ARHGEF26: variants seen among roughly 807,000 people sequenced by gnomAD.
ARHGEF26 encodes Rho guanine nucleotide exchange factor 26, also known as Rho guanine nucleotide exchange factor (GEF) 26.
Under a neutral mutation model 89.4 loss-of-function variants are expected in ARHGEF26, and 59 were observed. The observed-to-expected ratio is 0.66, with a 90% CI of 0.54 to 0.82. The LOEUF is 0.82. Ranked by LOEUF, ARHGEF26 falls within the 40% of genes least tolerant of loss-of-function variation. ARHGEF26 has a pLI of 0.00. For missense variants in ARHGEF26, 1,234 were observed against 1,085.6 expected (o/e 1.14, Z -1.92); for synonymous variants, 500 against 428.4 (o/e 1.17, Z -2.06).
chr3:154,159,303 A>G (rs1395956156), intron 6 of ARHGEF26, among the ~76,000 whole-genome samples: 1 of 152,076 alleles, frequency 6.6e-6, no homozygotes, highest in East Asian at 1.9e-4. Context: ...TCCAATTACA[A>G]AGTTAAAACA....
chr3:154,137,826 AAAG>A (rs909230502), intron 4 of ARHGEF26, among the ~76,000 whole-genome samples: 7 of 151,080 alleles, frequency 4.6e-5, no homozygotes, highest in African/African-American at 9.7e-5. Context: ...AAAAAAAAAA[AAAG>A]AAGAAGAGAA....
intron 3 of ARHGEF26, among the ~76,000 whole-genome samples, chr3:154,126,044 A>G (rs1186294795): frequency 1.3e-5 from 2 of 152,192 alleles, no homozygotes; most frequent in African/African-American, 4.8e-5. Flanking sequence ...TGTTGTGAAA[A>G]TGAATGAGAA....
At chr3:154,137,409 C>G (rs924115248) in intron 4 of ARHGEF26, among the ~76,000 whole-genome samples, 2 of 152,098 alleles carry the variant, frequency 1.3e-5, no homozygotes, top group African/African-American at 4.8e-5. Context: ...ACTTCTTAGC[C>G]TCTATAACTG....
chr3:154,130,147 A>ATTTTTTTT (rs55816788), intron 4 of ARHGEF26, among the ~76,000 whole-genome samples: 5,035 of 105,784 alleles, frequency 0.048, 511 homozygotes, highest in African/African-American at 0.11. Context: ...TTCCTTGGAA[A>ATTTTTTTT]TTTTTTTTTT....
rs375543506 is a variant in ARHGEF26 at position 154,256,719 on chromosome 3, T to C, written c.*1246T>C. On this transcript the variant is annotated 3_prime_UTR_variant, in exon 15 of 15. Transcript: ENST00000465093. ...TCTCAAGGAAGGGAAAATTAGGCCT[T>C]AAAAGATACCAAGAAGTCAGCATGG... is the stretch of plus-strand genomic sequence containing the variant. 13 of 1,368,486 alleles carry C rather than the reference T, an allele frequency of 9.5e-6. No homozygotes were observed. The East Asian group carries it at 2.2e-4, about 23-fold the overall frequency. 84.8% of individuals were successfully genotyped at this position (1,368,486 alleles called of 1,614,324 possible). A position where few individuals can be genotyped will look rare whatever the true frequency, so the allele number is the denominator to read the frequency against.
At chr3:154,192,074 C>T (rs973372166) in intron 8 of ARHGEF26, among the ~76,000 whole-genome samples, 2 of 152,182 alleles carry the variant, frequency 1.3e-5, no homozygotes, top group African/African-American at 4.8e-5. Context: ...GCAGGAGAGC[C>T]TGCCACTGGC....
At chr3:154,146,515 CCATA>C (rs1468393698) in intron 4 of ARHGEF26, among the ~76,000 whole-genome samples, 3 of 152,144 alleles carry the variant, frequency 2.0e-5, no homozygotes, top group Non-Finnish European at 2.9e-5. Flanking sequence ...AGCATCATAT[CCATA>C]GAAGAAATAT....
intron 9 of ARHGEF26, among the ~76,000 whole-genome samples, chr3:154,200,262 T>C (rs1334804670): frequency 6.6e-6 from 1 of 152,196 alleles, no homozygotes; most frequent in Non-Finnish European, 1.5e-5. Flanking sequence ...GGGTATAGTT[T>C]TATTCTTCTG....
chr3:154,154,181 A>G (rs932240428), intron 6 of ARHGEF26, among the ~76,000 whole-genome samples: 3 of 152,004 alleles, frequency 2.0e-5, no homozygotes, highest in Admixed American at 6.6e-5. Flanking sequence ...TCCATCTTTG[A>G]TCTTAACAAT....
chr3:154,252,672 A>C (rs772102960), intron 12 of ARHGEF26, among the ~76,000 whole-genome samples: 2 of 152,240 alleles, frequency 1.3e-5, no homozygotes, highest in African/African-American at 4.8e-5. Context: ...AAATATGTCA[A>C]GTTTCTCAAG....
chr3:154,187,659 A>AT (rs766135978), intron 6 of ARHGEF26, 26 bp from the exon 7 acceptor site: 271 of 1,554,410 alleles, frequency 1.7e-4, no homozygotes, highest in South Asian at 4.2e-4. Flanking sequence ...AGAAGTGTTA[A>AT]TTTTTTTTTC....
intron 6 of ARHGEF26, among the ~76,000 whole-genome samples, chr3:154,179,997 C>A (rs963980638): frequency 6.6e-6 from 1 of 152,006 alleles, no homozygotes; most frequent in South Asian, 2.1e-4. Context: ...GGGGAGAATC[C>A]GTTTTCTTGC....
At chr3:154,168,600 A>G (rs1260647187) in intron 6 of ARHGEF26, among the ~76,000 whole-genome samples, 1 of 152,080 alleles carries the variant, frequency 6.6e-6, no homozygotes, top group Non-Finnish European at 1.5e-5. Flanking sequence ...AAAAACAGAA[A>G]AACCCAAAAA....
intron 3 of ARHGEF26, among the ~76,000 whole-genome samples, chr3:154,127,826 A>G (rs1398946305): frequency 2.0e-5 from 3 of 152,212 alleles, no homozygotes; most frequent in Admixed American, 2.0e-4. Flanking sequence ...ACAACATTTA[A>G]GATGGCTAGG....
At chr3:154,219,794 G>T (rs1716006357) in intron 10 of ARHGEF26, among the ~76,000 whole-genome samples, 1 of 151,194 alleles carries the variant, frequency 6.6e-6, no homozygotes. Context: ...GGCACCTGTA[G>T]TCCCAGCTAC....
chr3:154,244,088 A>G (rs1717645270), intron 12 of ARHGEF26, among the ~76,000 whole-genome samples: 1 of 152,134 alleles, frequency 6.6e-6, no homozygotes, highest in Admixed American at 6.6e-5. Context: ...AGTTGAAAAA[A>G]CAAGGTTTGC....
intron 6 of ARHGEF26, among the ~76,000 whole-genome samples, chr3:154,186,886 C>CTTTT (rs201150057): frequency 0.059 from 4,833 of 81,880 alleles, 1,721 homozygotes; most frequent in Non-Finnish European, 0.085. Flanking sequence ...TTATTTCAGA[C>CTTTT]TTTTTTTTTT....
chr3:154,194,647 A>G lies in ARHGEF26; in HGVS notation c.1774A>G (p.Ile592Val). ...GTTCACTTTTATTTCATTACAGACT[A>G]TCTGTCAAAAAACACCTAAGGACTC... is the stretch of plus-strand genomic sequence containing the variant. ...VTRLPLLMDT[I>V]CQKTPKDSPK... The change falls in exon 9 of 15, where the codon ATC becomes GTC. Residue 592 changes from isoleucine to valine, a missense_variant. Transcript: ENST00000465093. 4 of 1,609,576 alleles carry G rather than the reference A, an allele frequency of 2.5e-6. No individual in the cohort carries two copies. The highest frequency in any genetic ancestry group is 3.4e-6 in the Non-Finnish European group (4 of 1,177,540).
At chr3:154,191,513 A>G (rs1325189843) in intron 8 of ARHGEF26, 95 bp downstream of exon 8, 1 of 1,421,954 alleles carries the variant, frequency 7.0e-7, no homozygotes, top group African/African-American at 1.4e-5. Flanking sequence ...ATTGATGCAT[A>G]TTTAAAGGTC....
Sources: gnomAD v4.1 joint callset for allele counts (sites outside exome capture counted in the v4.1 genomes callset) on GRCh38, gnomAD v4.1.1 for gene constraint, MANE v1.5 for transcripts, NCBI Gene and HGNC (gene_info 2026-07-23, HGNC 2026-07-21) for gene names.